ASB4: variants seen among roughly 807,000 people sequenced by gnomAD.
ASB4 encodes ankyrin repeat and SOCS box containing 4.
ASB4 carries 35 observed loss-of-function variants against 38.6 expected under a neutral mutation model. That is an observed-to-expected ratio of 0.91 (90% CI 0.69 to 1.20). The LOEUF (loss-of-function observed/expected upper bound fraction) is 1.20. Ranked by LOEUF, ASB4 falls within the 50% of genes most tolerant of loss-of-function variation. The probability of loss-of-function intolerance (pLI) is 0.00; values close to 1 mark genes in which losing one functional copy is unlikely to be tolerated. For missense variants in ASB4, 557 were observed against 527.2 expected, an observed-to-expected ratio of 1.06 and a Z score of -0.55; for synonymous variants, 195 against 201.3, an observed-to-expected ratio of 0.97 and a Z score of 0.26.
intron 2 of ASB4, among the ~76,000 whole-genome samples, chr7:95,511,671 A>AT (rs1554348876): frequency 2.6e-4 from 39 of 152,190 alleles, no homozygotes; most frequent in Admixed American, 8.5e-4. Flanking sequence ...TCAAAAAAAA[A>AT]AAATAAATAA....
intron 1 of ASB4, among the ~76,000 whole-genome samples, chr7:95,490,322 C>T (rs1279025274): frequency 6.6e-6 from 1 of 152,124 alleles, no homozygotes; most frequent in African/African-American, 2.4e-5. Flanking sequence ...CATTTCCATC[C>T]TAGGGTTCTT....
chr7:95,475,643 C>T (rs1789970242), upstream of ASB4, among the ~76,000 whole-genome samples: 1 of 152,166 alleles, frequency 6.6e-6, no homozygotes, highest in African/African-American at 2.4e-5. Flanking sequence ...CTCAGCTTCC[C>T]AAAGTGCTGA....
At chr7:95,543,059 G>T (rs1023405808), downstream of ASB4, 1 of 152,384 alleles carries the variant, frequency 6.6e-6, no homozygotes, top group South Asian at 2.1e-4. Context: ...CTGCTGAGAG[G>T]TACAAAGGCA....
intron 2 of ASB4, among the ~76,000 whole-genome samples, chr7:95,524,192 C>T (rs1790704822): frequency 6.6e-6 from 1 of 152,198 alleles, no homozygotes; most frequent in African/African-American, 2.4e-5. Context: ...TGCAAGAATG[C>T]CCATGGCATC....
At chr7:95,512,671 TGCAATACTAATATGCCACAGA>T (rs1790498986) in intron 2 of ASB4, among the ~76,000 whole-genome samples, 1 of 152,212 alleles carries the variant, frequency 6.6e-6, no homozygotes, top group South Asian at 2.1e-4. Context: ...TAATCCATCT[TGCAATACTAATATGCCACAGA>T]GCAGACTTTG....
At chr7:95,516,570 A>G (rs1011622169) in intron 2 of ASB4, among the ~76,000 whole-genome samples, 12 of 152,246 alleles carry the variant, frequency 7.9e-5, no homozygotes, top group African/African-American at 2.9e-4. Context: ...CTTTGATATG[A>G]AAAAGATTTG....
intron 1 of ASB4, among the ~76,000 whole-genome samples, chr7:95,494,170 GA>G: frequency 6.6e-6 from 1 of 152,282 alleles, no homozygotes; most frequent in South Asian, 2.1e-4. Flanking sequence ...TTAAATGAGA[GA>G]AATTTAATAC....
chr7:95,519,646 A>G (rs1321097690), intron 2 of ASB4, among the ~76,000 whole-genome samples: 1 of 152,188 alleles, frequency 6.6e-6, no homozygotes, highest in Non-Finnish European at 1.5e-5. Flanking sequence ...GTTATAGTAA[A>G]TGGAACCGAA....
chr7:95,476,031 C>T (rs1354758290), upstream of ASB4, among the ~76,000 whole-genome samples: 1 of 152,212 alleles, frequency 6.6e-6, no homozygotes, highest in Non-Finnish European at 1.5e-5. Context: ...ATTCCTCAAA[C>T]CGAATGGTGT....
downstream of ASB4, among the ~76,000 whole-genome samples, chr7:95,540,831 T>C (rs1790961099): frequency 6.6e-6 from 1 of 152,194 alleles, no homozygotes; most frequent in Non-Finnish European, 1.5e-5. Flanking sequence ...CCCAGTGGGT[T>C]CTGATAAAAA....
At chr7:95,502,628 A>G (rs1221731149) in intron 2 of ASB4, among the ~76,000 whole-genome samples, 1 of 152,188 alleles carries the variant, frequency 6.6e-6, no homozygotes, top group African/African-American at 2.4e-5. Flanking sequence ...GTAACTTAGA[A>G]TTGTGCTTGG....
upstream of ASB4, among the ~76,000 whole-genome samples, chr7:95,474,186 G>A (rs1011988760): frequency 1.3e-5 from 2 of 152,216 alleles, no homozygotes; most frequent in African/African-American, 4.8e-5. Context: ...ATATGCATAT[G>A]TGCTGAACTT....
the ASB4 span, among the ~76,000 whole-genome samples, chr7:95,545,469 T>C: frequency 6.6e-6 from 1 of 152,246 alleles, no homozygotes; most frequent in Non-Finnish European, 1.5e-5. Context: ...TGTGTAGCAC[T>C]GAAATAGACA....
upstream of ASB4, among the ~76,000 whole-genome samples, chr7:95,480,942 A>G (rs76111322): frequency 0.041 from 6,238 of 152,304 alleles, 162 homozygotes; most frequent in South Asian, 0.068. Context: ...CTCAGTGATC[A>G]AATAGAATAT....
intron 2 of ASB4, among the ~76,000 whole-genome samples, chr7:95,502,480 T>C (rs1164287895): frequency 6.6e-6 from 1 of 152,076 alleles, no homozygotes; most frequent in African/African-American, 2.4e-5. Context: ...GGACCAATTC[T>C]AGGCAGGAGA....
chr7:95,487,406 C>T (rs1318130791), intron 1 of ASB4, among the ~76,000 whole-genome samples: 1 of 151,240 alleles, frequency 6.6e-6, no homozygotes, highest in African/African-American at 2.4e-5. Context: ...GAATGCTAAA[C>T]TAATTTTTAA....
intron 1 of ASB4, among the ~76,000 whole-genome samples, chr7:95,494,598 T>G (rs190956399): frequency 1.3e-5 from 2 of 152,348 alleles, no homozygotes; most frequent in Admixed American, 1.3e-4. Context: ...CTGTGACTGT[T>G]GAAGAACTAT....
At chr7:95,532,727 G>T (rs1200877551) in intron 3 of ASB4, among the ~76,000 whole-genome samples, 2 of 152,290 alleles carry the variant, frequency 1.3e-5, no homozygotes, top group Non-Finnish European at 1.5e-5. Context: ...TTTTTTAAGA[G>T]ATTGTGTATT....
the ASB4 span, among the ~76,000 whole-genome samples, chr7:95,547,492 A>G: frequency 6.6e-6 from 1 of 152,228 alleles, no homozygotes; most frequent in Non-Finnish European, 1.5e-5. Context: ...TTTATTGCTT[A>G]ATCGTGTTCC....
Sources: allele counts gnomAD v4.1 joint callset (sites outside exome capture counted in the v4.1 genomes callset), GRCh38; gene constraint gnomAD v4.1.1; transcripts MANE v1.5; gene names NCBI Gene and HGNC (gene_info 2026-07-23, HGNC 2026-07-21).